TIAM2: variants seen among roughly 807,000 people sequenced by gnomAD.
TIAM2 encodes the protein rho guanine nucleotide exchange factor TIAM2.
Under a neutral mutation model 152.9 loss-of-function variants are expected in TIAM2, and 80 were observed. The ratio of observed to expected loss-of-function variants is 0.52; its 90% CI spans 0.44 to 0.63. TIAM2 has a LOEUF of 0.63. Among genes scored for constraint, TIAM2 ranks in the 30% least tolerant of loss-of-function variants. The pLI, the probability that TIAM2 is intolerant of heterozygous loss-of-function variation, is 0.00. For synonymous variants in TIAM2, 804 were observed against 838.0 expected (o/e 0.96, Z 0.70); for missense variants, 1,965 against 2,120.1 (o/e 0.93, Z 1.44).
intron 14 of TIAM2, among the ~76,000 whole-genome samples, chr6:155,184,124 G>A (rs1780977260): frequency 6.6e-6 from 1 of 152,148 alleles, no homozygotes; most frequent in African/African-American, 2.4e-5. Flanking sequence ...GAGTAGCTGA[G>A]ACTACAAACG....
chr6:155,185,491 TTTATTTATTTATTTATTTA>T (rs1461318059), intron 14 of TIAM2, among the ~76,000 whole-genome samples: 1 of 644 alleles, frequency 1.6e-3, no homozygotes, highest in African/African-American at 9.6e-3. Context: ...TTAAGCCACT[TTTATTTATTTATTTATTTA>T]TTTATTTATT....
At chr6:155,113,120 G>A (rs1778898330) in intron 2 of TIAM2, among the ~76,000 whole-genome samples, 1 of 152,050 alleles carries the variant, frequency 6.6e-6, no homozygotes, top group African/African-American at 2.4e-5. Context: ...TGTCCCTCAA[G>A]GCTGCCTTCA....
At position 155,130,224 on chromosome 6, in the gene TIAM2, C is replaced by T; in HGVS notation, c.1001C>T (p.Ser334Phe). ...GTHASLSNRV[S>F]FASDIDVPSR... ...CATGCCAGCCTGAGCAACCGTGTCTCTTTTGCTTCCGACATTGATGTGCCC... is the reference window on the plus strand; with the variant it reads ...CATGCCAGCCTGAGCAACCGTGTCTTTTTTGCTTCCGACATTGATGTGCCC... The change falls in exon 4 of 27, where the codon TCT becomes TTT. Residue 334 changes from serine (S) to phenylalanine (F), a missense_variant. Coordinates refer to ENST00000682666, the MANE Select transcript of TIAM2 (RefSeq NM_012454.4). 6.2e-7 allele frequency: 1 copy of T among 1,614,204 alleles called. No homozygotes were observed. Among genetic ancestry groups the T allele is most frequent in the Non-Finnish European group, 8.5e-7 (1 of 1,180,044 alleles).
intron 7 of TIAM2, among the ~76,000 whole-genome samples, chr6:155,152,136 G>C (rs2352154): frequency 0.51 from 77,621 of 151,974 alleles, 20,425 homozygotes; most frequent in South Asian, 0.58. Context: ...AGCCACCACG[G>C]CTAATCTCAA....
At chr6:155,018,997 G>A (rs1776404692) in intron 1 of TIAM2, among the ~76,000 whole-genome samples, 1 of 149,754 alleles carries the variant, frequency 6.7e-6, no homozygotes, top group African/African-American at 2.5e-5. Context: ...CTGAGATCGT[G>A]CTAGTGCACT....
chr6:155,125,323 A>G (rs1231141455), intron 2 of TIAM2, among the ~76,000 whole-genome samples: 1 of 152,176 alleles, frequency 6.6e-6, no homozygotes, highest in Non-Finnish European at 1.5e-5. Context: ...ACAGTAGCCA[A>G]TAAGCACATG....
intron 1 of TIAM2, among the ~76,000 whole-genome samples, chr6:155,012,586 T>C (rs1307834125): frequency 6.6e-6 from 1 of 152,234 alleles, no homozygotes; most frequent in Non-Finnish European, 1.5e-5. Flanking sequence ...AGTCTCACTC[T>C]GTAGCCCAGG....
At chr6:155,145,919 G>C (rs996463651) in intron 6 of TIAM2, among the ~76,000 whole-genome samples, 3 of 152,088 alleles carry the variant, frequency 2.0e-5, no homozygotes, top group Non-Finnish European at 4.4e-5. Context: ...TTAACAGAAA[G>C]GTTGCTTAAA....
intron 14 of TIAM2, among the ~76,000 whole-genome samples, chr6:155,193,498 A>G (rs1781259956): frequency 6.6e-6 from 1 of 152,250 alleles, no homozygotes; most frequent in African/African-American, 2.4e-5. Context: ...TTTGTTGGAC[A>G]GTTTGAATTA....
At chr6:155,250,771 G>T in intron 21 of TIAM2, 142 bp from the exon 22 acceptor site, 1 of 1,116,448 alleles carries the variant, frequency 9.0e-7, no homozygotes, top group Admixed American at 2.1e-5. Flanking sequence ...CACCGTTTAA[G>T]GCCCCATGTT....
intron 14 of TIAM2, among the ~76,000 whole-genome samples, chr6:155,193,381 G>C (rs1462715235): frequency 1.4e-5 from 2 of 145,970 alleles, no homozygotes; most frequent in African/African-American, 5.2e-5. Context: ...CTCAGCCTGG[G>C]GGACAGAGCG....
At chr6:155,078,145 A>G (rs1777995651) in intron 1 of TIAM2, among the ~76,000 whole-genome samples, 1 of 152,070 alleles carries the variant, frequency 6.6e-6, no homozygotes, top group South Asian at 2.1e-4. Context: ...CCTGGGCTCA[A>G]GTGATCTTCC....
intron 7 of TIAM2, among the ~76,000 whole-genome samples, chr6:155,163,874 G>T (rs545668795): frequency 5.3e-5 from 8 of 152,172 alleles, no homozygotes; most frequent in African/African-American, 1.9e-4. Context: ...TGCCTTTTTG[G>T]CATGTCACTG....
At chr6:155,244,231 T>G (rs1258166627) in intron 17 of TIAM2, 152 bp downstream of exon 17, 5 of 744,354 alleles carry the variant, frequency 6.7e-6, no homozygotes, top group Non-Finnish European at 1.1e-5. Flanking sequence ...AGCCTCCTCC[T>G]AAACCACTGC....
chr6:155,034,546 C>T lies in TIAM2; in HGVS notation c.-209+39054C>T, dbSNP rs9383737. Among the ~76,000 whole-genome samples, 552 of 152,326 alleles carry T rather than the reference C, an allele frequency of 3.6e-3. 20 individuals carry two copies. In the East Asian group the frequency reaches 0.09, roughly 25 times the overall value. On this transcript the variant is annotated intron_variant, in intron 1 of 26. Coordinates refer to ENST00000682666, the MANE Select transcript of TIAM2 (RefSeq NM_012454.4). ...CTGGGATTACAGGCGTGAGCCAAAG[C>T]GCCTGGCTAGGTCCAGTATTTTAAC...
At chr6:155,083,367 A>AGAG (rs1554228971) in intron 1 of TIAM2, among the ~76,000 whole-genome samples, 3 of 119,230 alleles carry the variant, frequency 2.5e-5, no homozygotes, top group Admixed American at 9.7e-5. Flanking sequence ...AAAAAAAAAA[A>AGAG]AGAGAGAGAG....
At chr6:155,104,062 A>G (rs1010001141) in intron 2 of TIAM2, among the ~76,000 whole-genome samples, 1 of 60,978 alleles carries the variant, frequency 1.6e-5, no homozygotes, top group African/African-American at 6.2e-5. Context: ...ACACCCCCAC[A>G]CACCCCCACA....
intron 2 of TIAM2, among the ~76,000 whole-genome samples, chr6:155,104,035 C>CAT (rs1778611270): frequency 9.6e-6 from 1 of 104,634 alleles, no homozygotes; most frequent in Non-Finnish European, 1.9e-5. Flanking sequence ...ACCTCACACA[C>CAT]ACACACCCCC....
intron 5 of TIAM2, 88 bp from the exon 6 acceptor site, chr6:155,144,518 T>G (rs1379107866): frequency 7.5e-7 from 1 of 1,335,922 alleles, no homozygotes; most frequent in East Asian, 2.8e-5. Context: ...ACTCAGGTGT[T>G]TTTAAAAAAG....
Sources: gnomAD v4.1 joint callset for allele counts (sites outside exome capture counted in the v4.1 genomes callset) on GRCh38, gnomAD v4.1.1 for gene constraint, MANE v1.5 for transcripts, NCBI Gene and HGNC (gene_info 2026-07-23, HGNC 2026-07-21) for gene names.